Variants in CERT1 observed in about 807,000 individuals in gnomAD.
CERT1 encodes the protein ceramide transporter 1, also known as ceramide transfer protein.
In CERT1, 31 loss-of-function variants were observed where a neutral mutation model predicts 87.9. That is an observed-to-expected ratio of 0.35 (90% CI 0.27 to 0.48). CERT1 has a LOEUF of 0.48. Ranked by LOEUF, CERT1 falls within the 20% of genes least tolerant of loss-of-function variation. The probability of loss-of-function intolerance (pLI) is 0.99; values close to 1 mark genes in which losing one functional copy is unlikely to be tolerated. For missense variants in CERT1, 487 were observed against 758.0 expected (o/e 0.64, Z 4.20); for synonymous variants, 289 against 250.9 (o/e 1.15, Z -1.44).
rs1763630055 is a variant in CERT1, at chr5:75,426,580, G to A, written c.349-102C>T. The A allele has an allele frequency of 5.2e-6, 4 of 763,584 alleles. No individual in the cohort carries two copies. In the South Asian group the frequency reaches 6.7e-5, roughly 13 times the overall value. The allele number at this position is 763,584 out of a possible 1,614,324, so 47.3% of individuals were successfully genotyped here. On this transcript the variant is annotated intron_variant, in intron 3 of 16. Coordinates refer to ENST00000643780, the MANE Select transcript of CERT1 (RefSeq NM_001379029.1). ...AACAAGGTTATTATAACAATTGGCAGTCTGGGTGCACATAAGATATATAGT... is the reference window on the plus strand; with the variant it reads ...AACAAGGTTATTATAACAATTGGCAATCTGGGTGCACATAAGATATATAGT...
intron 8 of CERT1, among the ~76,000 whole-genome samples, chr5:75,407,592 C>G (rs1001136145): frequency 1.3e-4 from 19 of 151,312 alleles, no homozygotes; most frequent in African/African-American, 4.4e-4. Context: ...CCAAGTTAAT[C>G]GTAAAAAAGA....
chr5:75,484,273 A>G (rs747281430), intron 2 of CERT1, among the ~76,000 whole-genome samples: 9 of 151,602 alleles, frequency 5.9e-5, no homozygotes, highest in Non-Finnish European at 1.3e-4. Flanking sequence ...AAAACATACC[A>G]CCAGAGAGAA....
rs183896292 is a variant in CERT1, at chr5:75,481,528, A to C, written c.232-22347T>G. ...AAATAACAAAAGCTACTTAATAAAAATGTGCTTAACAGCCTAAGAGGAACA... is the reference window on the plus strand; with the variant it reads ...AAATAACAAAAGCTACTTAATAAAACTGTGCTTAACAGCCTAAGAGGAACA... On this transcript the variant is annotated intron_variant, in intron 2 of 16. Transcript: ENST00000643780. 1.4e-3 allele frequency among the ~76,000 whole-genome samples: 214 copies of C among 152,332 alleles called. 1 individual carries two copies. The highest frequency in any genetic ancestry group is 4.3e-3 in the African/African-American group (179 of 41,578).
In CERT1 at chr5:75,496,976, C is replaced by CT. The variant is rs1042832289; in HGVS notation, c.231+9005dup. ...TGATTTTTTAAAAGGCACAACATAT[C>CT]TTTTTTTTAAAAAAAGACATAGAAT... On this transcript the variant is annotated intron_variant, in intron 2 of 16. Coordinates refer to ENST00000643780, the MANE Select transcript of CERT1 (RefSeq NM_001379029.1). Among the ~76,000 whole-genome samples the CT allele has an allele frequency of 5.3e-5, 8 of 151,390 alleles. No individual in the cohort carries two copies. The East Asian group carries it at 9.7e-4, about 18-fold the overall frequency.
chr5:75,374,542 C>T, downstream of CERT1: 1 of 716,394 alleles, frequency 1.4e-6, no homozygotes, highest in Non-Finnish European at 2.6e-6. Flanking sequence ...ACGAACCGTG[C>T]CTGATGCGTG....
At chr5:75,441,772 T>C (rs1414905638) in intron 3 of CERT1, among the ~76,000 whole-genome samples, 2 of 152,202 alleles carry the variant, frequency 1.3e-5, no homozygotes, top group Non-Finnish European at 2.9e-5. Context: ...TGATATTCCA[T>C]TGAATGGATA....
downstream of CERT1, chr5:75,374,536 A>T (rs999554969): frequency 2.0e-5 from 14 of 717,260 alleles, no homozygotes; most frequent in African/African-American, 2.2e-4. Flanking sequence ...TGCTGCACGA[A>T]CCGTGCCTGA....
intron 2 of CERT1, among the ~76,000 whole-genome samples, chr5:75,493,650 T>A (rs891967206): frequency 2.6e-5 from 4 of 152,220 alleles, no homozygotes; most frequent in African/African-American, 9.6e-5. Context: ...TGAGTCTTTT[T>A]AAAAATCTAT....
chr5:75,387,457 T>C (rs1761840107), intron 12 of CERT1, among the ~76,000 whole-genome samples: 1 of 151,954 alleles, frequency 6.6e-6, no homozygotes, highest in African/African-American at 2.4e-5. Context: ...ATTACACTTT[T>C]CAGGCCAGGC....
intron 1 of CERT1, among the ~76,000 whole-genome samples, chr5:75,510,690 C>T (rs113455746): frequency 3.7e-4 from 57 of 152,260 alleles, no homozygotes; most frequent in African/African-American, 8.9e-4. Flanking sequence ...GAAAGAGTTG[C>T]GTCCGCAGTG....
chr5:75,441,362 C>A (rs1182327263), intron 3 of CERT1, among the ~76,000 whole-genome samples: 1 of 152,126 alleles, frequency 6.6e-6, no homozygotes, highest in South Asian at 2.1e-4. Context: ...ACAAAATCGA[C>A]AAACTATGCA....
At chr5:75,413,194 G>C (rs1180037724) in intron 7 of CERT1, among the ~76,000 whole-genome samples, 6 of 152,086 alleles carry the variant, frequency 3.9e-5, no homozygotes, top group African/African-American at 1.4e-4. Context: ...TAGGCAAAAG[G>C]AATTATTCAG....
At chr5:75,418,626 T>C (rs1191254472) in intron 6 of CERT1, among the ~76,000 whole-genome samples, 1 of 152,176 alleles carries the variant, frequency 6.6e-6, no homozygotes, top group Non-Finnish European at 1.5e-5. Flanking sequence ...AACTATGGTA[T>C]ATCTATACAA....
At chr5:75,425,324 T>C in intron 5 of CERT1, 37 bp downstream of exon 5, 1 of 1,588,380 alleles carries the variant, frequency 6.3e-7, no homozygotes, top group East Asian at 2.2e-5. Context: ...AATCCATTCA[T>C]TCTCCAAGTA....
chr5:75,487,817 C>G (rs146406311), intron 2 of CERT1, among the ~76,000 whole-genome samples: 1 of 151,974 alleles, frequency 6.6e-6, no homozygotes, highest in African/African-American at 2.4e-5. Context: ...TGTCCGACAA[C>G]AGATGAACGA....
intron 17 of CERT1, chr5:75,369,248 T>C (rs898510423): frequency 1.3e-5 from 2 of 152,178 alleles, no homozygotes; most frequent in Non-Finnish European, 2.9e-5. Flanking sequence ...GTATTTTCCA[T>C]ATATGACTGG....
At chr5:75,373,994 G>A (rs1761182137), downstream of CERT1, 1 of 398,032 alleles carries the variant, frequency 2.5e-6, no homozygotes, top group South Asian at 1.3e-4. Flanking sequence ...GTTATATGCT[G>A]AGCAAGGAGA....
chr5:75,460,457 T>C (rs1324603375), intron 2 of CERT1, among the ~76,000 whole-genome samples: 1 of 152,236 alleles, frequency 6.6e-6, no homozygotes, highest in Non-Finnish European at 1.5e-5. Context: ...TGTCAACTTT[T>C]TGATTCAGTG....
At chr5:75,387,571 A>T (rs1336268372) in intron 12 of CERT1, among the ~76,000 whole-genome samples, 1 of 151,844 alleles carries the variant, frequency 6.6e-6, no homozygotes, top group Admixed American at 6.6e-5. Context: ...GTGAAACCCC[A>T]TTTCTACTAA....
Sources: allele counts gnomAD v4.1 joint callset (sites outside exome capture counted in the v4.1 genomes callset), GRCh38; gene constraint gnomAD v4.1.1; transcripts MANE v1.5; gene names NCBI Gene and HGNC (gene_info 2026-07-23, HGNC 2026-07-21).